MSRB3: variants seen among roughly 807,000 people sequenced by gnomAD.
MSRB3 encodes methionine sulfoxide reductase B3.
In MSRB3, 13 loss-of-function variants were observed where a neutral mutation model predicts 21.0. That is an observed-to-expected ratio of 0.62 (90% confidence interval 0.40 to 0.98). The LOEUF is 0.98. MSRB3 is among the 50% of genes least tolerant of loss of function. The pLI, the probability that MSRB3 is intolerant of heterozygous loss-of-function variation, is 0.00. For synonymous variants in MSRB3, 87 were observed against 88.6 expected (o/e 0.98, Z 0.10); for missense variants, 199 against 230.3 (o/e 0.86, Z 0.88).
intron 4 of MSRB3, among the ~76,000 whole-genome samples, chr12:65,352,474 CAGG>C (rs1436282860): frequency 6.9e-4 from 105 of 151,330 alleles, no homozygotes; most frequent in African/African-American, 2.3e-3. Flanking sequence ...GGCAATTAGG[CAGG>C]AGAAGGAAAT....
At chr12:65,418,588 C>T in intron 5 of MSRB3, 1 of 559,140 alleles carries the variant, frequency 1.8e-6, no homozygotes, top group Non-Finnish European at 3.2e-6. Flanking sequence ...GGAGCTTTTC[C>T]CTGTTTTGTT....
At chr12:65,429,309 G>A (rs1187127613) in intron 5 of MSRB3, among the ~76,000 whole-genome samples, 1 of 152,074 alleles carries the variant, frequency 6.6e-6, no homozygotes, top group African/African-American at 2.4e-5. Context: ...CTACTGAGGA[G>A]GTGATATCTG....
intron 5 of MSRB3, among the ~76,000 whole-genome samples, chr12:65,449,991 T>G (rs1254368276): frequency 6.6e-6 from 1 of 152,160 alleles, no homozygotes; most frequent in African/African-American, 2.4e-5. Context: ...ACATTTAGAA[T>G]TTGTCAACAG....
chr12:65,423,196 A>G (rs1881412948), intron 5 of MSRB3, among the ~76,000 whole-genome samples: 1 of 152,026 alleles, frequency 6.6e-6, no homozygotes, highest in Non-Finnish European at 1.5e-5. Flanking sequence ...TCCTGACCTC[A>G]GGTGATCTGC....
At chr12:65,454,087 G>A (rs192346148) in intron 6 of MSRB3, 30 of 620,152 alleles carry the variant, frequency 4.8e-5, no homozygotes, top group Admixed American at 1.1e-4. Flanking sequence ...AGTTCAAGAC[G>A]AGTCCGGGCA....
chr12:65,441,368 G>A (rs1434037723), intron 5 of MSRB3, among the ~76,000 whole-genome samples: 1 of 151,718 alleles, frequency 6.6e-6, no homozygotes, highest in African/African-American at 2.4e-5. Flanking sequence ...CAGTTGTTTG[G>A]GATTTAGAGA....
intron 6 of MSRB3, among the ~76,000 whole-genome samples, chr12:65,461,920 A>C (rs973635695): frequency 6.6e-6 from 1 of 152,028 alleles, no homozygotes; most frequent in Non-Finnish European, 1.5e-5. Flanking sequence ...TCTTCTGACC[A>C]CCCTATCTAA....
chr12:65,325,597 C>T (rs1348086579), intron 2 of MSRB3, among the ~76,000 whole-genome samples: 1 of 151,976 alleles, frequency 6.6e-6, no homozygotes, highest in African/African-American at 2.4e-5. Context: ...TTAAGGTCAG[C>T]GATCTCATAC....
chr12:65,344,002 A>G (rs1030564928), intron 4 of MSRB3: 1 of 152,130 alleles, frequency 6.6e-6, no homozygotes, highest in African/African-American at 2.4e-5. Context: ...CTTAACCTCT[A>G]TGAGCCTTAA....
At chr12:65,409,263 T>G (rs146525699) in intron 5 of MSRB3, among the ~76,000 whole-genome samples, 2 of 152,194 alleles carry the variant, frequency 1.3e-5, no homozygotes, top group Non-Finnish European at 2.9e-5. Context: ...AGAAACACGT[T>G]GTTAGGCAAT....
Position 65,433,445 on chromosome 12 carries a change from A to G in MSRB3, c.293-20283A>G, listed in dbSNP as rs565562069. Among the ~76,000 whole-genome samples the G allele has an allele frequency of 3.3e-5, 5 of 152,022 alleles. No individual in the cohort carries two copies. The South Asian group carries it at 1.0e-3, about 32-fold the overall frequency. On this transcript the variant is annotated intron_variant, in intron 5 of 6. Transcript: ENST00000308259. ...TTTAATTGTCCATGGTATTCAGTGC[A>G]ACCACAATTTTCTAATGTCAAATTT...
intron 5 of MSRB3, among the ~76,000 whole-genome samples, chr12:65,393,207 T>C (rs566582337): frequency 6.6e-6 from 1 of 152,330 alleles, no homozygotes; most frequent in South Asian, 2.1e-4. Flanking sequence ...ACCATATTTG[T>C]CACTTAAATT....
chr12:65,292,430 G>C lies in MSRB3; in HGVS notation c.-52+13565G>C, dbSNP rs997871385. Among the ~76,000 whole-genome samples the C allele has an allele frequency of 5.3e-5, 8 of 151,088 alleles. 1 individual carries two copies. Among genetic ancestry groups the C allele is most frequent in the South Asian group, 4.1e-4 (2 of 4,826 alleles). On this transcript the variant is annotated intron_variant, in intron 1 of 6. Coordinates refer to ENST00000308259, the MANE Select transcript of MSRB3 (RefSeq NM_001031679.3). ...AATTCCCAGTAAGTTAACTAGCGTT[G>C]TCATTGTCATCGTCATCATCATCAT...
intron 6 of MSRB3, among the ~76,000 whole-genome samples, chr12:65,460,476 G>A (rs893318268): frequency 6.6e-6 from 1 of 152,190 alleles, no homozygotes; most frequent in South Asian, 2.1e-4. Flanking sequence ...TGGCTTTGCC[G>A]GCAGTGGGGC....
chr12:65,437,148 TAA>T (rs974078444), intron 5 of MSRB3, among the ~76,000 whole-genome samples: 29 of 151,766 alleles, frequency 1.9e-4, no homozygotes, highest in African/African-American at 7.0e-4. Flanking sequence ...ACAACTTGAG[TAA>T]AGTTTTTGCC....
chr12:65,400,297 G>A (rs1592601279), intron 5 of MSRB3, among the ~76,000 whole-genome samples: 2 of 150,028 alleles, frequency 1.3e-5, no homozygotes, highest in South Asian at 2.1e-4. Flanking sequence ...ACCTGTTATT[G>A]GTCTATTCAG....
intron 2 of MSRB3, among the ~76,000 whole-genome samples, chr12:65,309,863 A>T (rs1592511179): frequency 6.6e-6 from 1 of 152,162 alleles, no homozygotes; most frequent in African/African-American, 2.4e-5. Context: ...GCTGGTTTGG[A>T]TGTGCAAGGG....
At chr12:65,283,384 A>G (rs1872153508) in intron 1 of MSRB3, among the ~76,000 whole-genome samples, 1 of 151,464 alleles carries the variant, frequency 6.6e-6, no homozygotes, top group African/African-American at 2.4e-5. Flanking sequence ...GTCCATATAT[A>G]TTCAACTTCA....
intron 5 of MSRB3, among the ~76,000 whole-genome samples, chr12:65,453,119 A>T (rs952655972): frequency 1.3e-5 from 2 of 152,224 alleles, no homozygotes; most frequent in African/African-American, 2.4e-5. Flanking sequence ...CTGAGGACTG[A>T]TGCTCTATGA....
Sources: gnomAD v4.1 joint callset for allele counts (sites outside exome capture counted in the v4.1 genomes callset) on GRCh38, gnomAD v4.1.1 for gene constraint, MANE v1.5 for transcripts, NCBI Gene and HGNC (gene_info 2026-07-23, HGNC 2026-07-21) for gene names.